The following NUDCD3 variants were observed in gnomAD, a reference collection of about 807,000 sequenced individuals.
NUDCD3 encodes the protein NudC domain containing 3, also known as nudC domain-containing protein 3.
Under a neutral mutation model 39.7 loss-of-function variants are expected in NUDCD3, and 13 were observed. The ratio of observed to expected loss-of-function variants is 0.33; its 90% CI spans 0.21 to 0.52. NUDCD3 has a LOEUF of 0.52. Ranked by LOEUF, NUDCD3 falls within the 20% of genes least tolerant of loss-of-function variation. NUDCD3 has a pLI of 0.96. For missense variants in NUDCD3, 453 were observed against 458.1 expected (o/e 0.99, Z 0.10); for synonymous variants, 175 against 172.4 (o/e 1.02, Z -0.12).
At chr7:44,397,597 C>T (rs1386216048) in intron 4 of NUDCD3, among the ~76,000 whole-genome samples, 1 of 152,090 alleles carries the variant, frequency 6.6e-6, no homozygotes, top group Non-Finnish European at 1.5e-5. Context: ...TATTAGCCTT[C>T]TCATTTTTTT....
At chr7:44,388,999 A>G (rs1423765426) in intron 5 of NUDCD3, among the ~76,000 whole-genome samples, 1 of 152,234 alleles carries the variant, frequency 6.6e-6, no homozygotes, top group African/African-American at 2.4e-5. Flanking sequence ...CTAGGTCACA[A>G]GAAGCTGTTT....
At position 44,384,672 on chromosome 7, in the gene NUDCD3, C is replaced by T. The variant is rs1294491177; in HGVS notation, c.*1339G>A. 1 of 152,292 alleles carries T rather than the reference C, an allele frequency of 6.6e-6. No individual in the cohort carries two copies. Among genetic ancestry groups the T allele is most frequent in the Non-Finnish European group, 1.5e-5 (1 of 68,110 alleles). 9.4% of individuals were successfully genotyped at this position (152,292 alleles called of 1,614,324 possible). A position where few individuals can be genotyped will look rare whatever the true frequency, so the allele number is the denominator to read the frequency against. ...AATAGGCCCTCTTAGCATCTGCGGG[C>T]CTTGATTCTTGCTGGCCGTGCATGG... On this transcript the variant is annotated 3_prime_UTR_variant, in exon 6 of 6. Transcript: ENST00000355451.
At chr7:44,409,550 A>G (rs893657120) in intron 3 of NUDCD3, among the ~76,000 whole-genome samples, 7 of 151,456 alleles carry the variant, frequency 4.6e-5, no homozygotes, top group African/African-American at 1.7e-4. Flanking sequence ...TTAAAAATCC[A>G]TTTCTCAATA....
chr7:44,459,786 T>C (rs188126173), intron 2 of NUDCD3, among the ~76,000 whole-genome samples: 1 of 152,348 alleles, frequency 6.6e-6, no homozygotes, highest in East Asian at 1.9e-4. Context: ...TGAGGGCAAC[T>C]TTCTGTAACT....
intron 2 of NUDCD3, among the ~76,000 whole-genome samples, chr7:44,456,001 G>A (rs1227773580): frequency 2.5e-4 from 25 of 100,910 alleles, no homozygotes; most frequent in Non-Finnish European, 5.8e-4. Context: ...ACTCCAGCCT[G>A]GGCGACAGAG....
At chr7:44,471,211 C>A (rs568744939) in intron 2 of NUDCD3, among the ~76,000 whole-genome samples, 1 of 152,258 alleles carries the variant, frequency 6.6e-6, no homozygotes, top group East Asian at 1.9e-4. Context: ...ATCCTGATAT[C>A]AAATGGTATA....
chr7:44,449,712 TA>T (rs1799757120), intron 2 of NUDCD3, among the ~76,000 whole-genome samples: 1 of 152,056 alleles, frequency 6.6e-6, no homozygotes, highest in Non-Finnish European at 1.5e-5. Flanking sequence ...CATCATATAC[TA>T]AAAATAACTT....
intron 3 of NUDCD3, among the ~76,000 whole-genome samples, chr7:44,413,517 A>C (rs977491870): frequency 2.6e-5 from 4 of 152,214 alleles, no homozygotes; most frequent in Admixed American, 6.5e-5. Context: ...AATGGGCAAA[A>C]GATATAACTA....
At position 44,485,256 on chromosome 7, in the gene NUDCD3, C is replaced by T. The variant is rs756631027; in HGVS notation, c.221G>A (p.Arg74His). 29 of 1,613,262 alleles carry T rather than the reference C, an allele frequency of 1.8e-5. No homozygotes were observed. The highest frequency in any genetic ancestry group is 4.5e-5 in the East Asian group (2 of 44,880). Residue 74 changes from arginine (R) to histidine (H), a missense_variant, in exon 2 of 6, where the codon CGT becomes CAT. Arg to His is a conservative substitution (Grantham distance 29, BLOSUM62 0). Transcript: ENST00000355451. Reference sequence around the variant, plus strand: ...CTGCCTTCTCTTCTCATCATCCTGACGGGCCATGTGGTCAAAGGTTTTGAA... The same window carrying T: ...CTGCCTTCTCTTCTCATCATCCTGATGGGCCATGTGGTCAAAGGTTTTGAA... ...QVFKTFDHMA[R>H]QDDEKRRQEL... is the part of the protein sequence containing the mutation.
chr7:44,389,043 C>G (rs1018699225), intron 5 of NUDCD3, among the ~76,000 whole-genome samples: 4 of 152,218 alleles, frequency 2.6e-5, no homozygotes, highest in African/African-American at 9.6e-5. Context: ...CACGCCTGGG[C>G]TATGCAGTGC....
At chr7:44,389,528 T>G (rs1214325286) in intron 5 of NUDCD3, among the ~76,000 whole-genome samples, 1 of 151,900 alleles carries the variant, frequency 6.6e-6, no homozygotes, top group Non-Finnish European at 1.5e-5. Flanking sequence ...AATACAAAAA[T>G]ACAAAATAAG....
intron 4 of NUDCD3, among the ~76,000 whole-genome samples, chr7:44,401,060 G>A (rs1008005698): frequency 6.6e-6 from 1 of 152,148 alleles, no homozygotes; most frequent in Non-Finnish European, 1.5e-5. Flanking sequence ...GCTCAACCTT[G>A]TTTGAACGGT....
chr7:44,413,294 A>AC (rs1288192460), intron 3 of NUDCD3: 1 of 152,298 alleles, frequency 6.6e-6, no homozygotes, highest in South Asian at 2.1e-4. Flanking sequence ...CTACAAAAAA[A>AC]AAATTTTTAA....
At chr7:44,444,141 C>G (rs1468071351) in intron 2 of NUDCD3, among the ~76,000 whole-genome samples, 1 of 152,154 alleles carries the variant, frequency 6.6e-6, no homozygotes, top group African/African-American at 2.4e-5. Flanking sequence ...TGAGAAGGCT[C>G]AGGCCAGTGC....
rs762176697 is a variant in NUDCD3 at position 44,468,106 on chromosome 7, GC to G, written c.509+16861del. The G allele has an allele frequency of 6.8e-6, 11 of 1,609,736 alleles. No homozygotes were observed. The African/African-American group carries it at 1.5e-4, about 21-fold the overall frequency. ...GCAACAAAAAAACAAAGCACATGCT[GC>G]CCAGTGGCTTCCGGAAGTTCCTGGT... On this transcript the variant is annotated intron_variant, in intron 2 of 5. Coordinates refer to ENST00000355451, the MANE Select transcript of NUDCD3 (RefSeq NM_015332.4).
Position 44,392,461 on chromosome 7 carries a change from A to G in NUDCD3, c.811T>C (p.Tyr271His). Residue 271 changes from tyrosine to histidine, a missense_variant, in exon 5 of 6, where the codon TAT becomes CAT. Physicochemically the swap from Tyr to His is moderately conservative, Grantham distance 83 (BLOSUM62 2). Coordinates refer to ENST00000355451, the MANE Select transcript of NUDCD3 (RefSeq NM_015332.4). ...VLVNLSKVGE[Y>H]WWNAILEGEE... ...CCCTCCAGGATGGCGTTCCACCAAT[A>G]CTCGCCCACCTTGCTCAGGTTCACC... 1 of 1,613,692 alleles carries G rather than the reference A, an allele frequency of 6.2e-7. No homozygotes were observed.
At chr7:44,453,368 T>A (rs969092855) in intron 2 of NUDCD3, among the ~76,000 whole-genome samples, 1 of 151,134 alleles carries the variant, frequency 6.6e-6, no homozygotes, top group African/African-American at 2.4e-5. Flanking sequence ...AATAAATAAA[T>A]AAATAAATAA....
At chr7:44,482,179 A>G (rs965364498) in intron 2 of NUDCD3, among the ~76,000 whole-genome samples, 1 of 152,198 alleles carries the variant, frequency 6.6e-6, no homozygotes, top group Non-Finnish European at 1.5e-5. Flanking sequence ...AAAACCTCAT[A>G]GGATCCCCTT....
chr7:44,481,729 C>T (rs1459665381), intron 2 of NUDCD3, among the ~76,000 whole-genome samples: 2 of 152,184 alleles, frequency 1.3e-5, no homozygotes, highest in Non-Finnish European at 2.9e-5. Context: ...ATAAATAGAA[C>T]TGAAGTGAAC....
Sources: gnomAD v4.1 joint callset for allele counts (sites outside exome capture counted in the v4.1 genomes callset) on GRCh38, gnomAD v4.1.1 for gene constraint, MANE v1.5 for transcripts, NCBI Gene and HGNC (gene_info 2026-07-23, HGNC 2026-07-21) for gene names.